Variants in PVT1 observed in about 807,000 individuals in gnomAD.
PVT1 encodes CXCR4/PVT1 fusion.
Position 127,940,902 on chromosome 8 carries a change from C to A in PVT1, n.783-48260C>A, listed in dbSNP as rs552404223. ...CAGGTGTGAGCCACTATGTCCGGCT[C>A]ACGTCCAGTTATCTAGGGCAGAGGT... On this transcript the variant is annotated intron_variant and non_coding_transcript_variant, in intron 3 of 10. Transcript: ENST00000651587. 6.6e-5 allele frequency among the ~76,000 whole-genome samples: 10 copies of A among 152,328 alleles called. No individual in the cohort carries two copies. In the South Asian group the frequency reaches 1.9e-3, roughly 28 times the overall value.
intron 4 of PVT1, among the ~76,000 whole-genome samples, chr8:128,065,683 C>G (rs1813900194): frequency 6.6e-6 from 1 of 152,136 alleles, no homozygotes; most frequent in Non-Finnish European, 1.5e-5. Flanking sequence ...GCTCTCAAGT[C>G]CCTGTAGGGG....
intron 4 of PVT1, among the ~76,000 whole-genome samples, chr8:127,990,884 G>A (rs1817029279): frequency 1.3e-5 from 2 of 152,262 alleles, no homozygotes; most frequent in South Asian, 2.1e-4. Context: ...TCTCCATGCC[G>A]GGAGGCTTCC....
intron 4 of PVT1, among the ~76,000 whole-genome samples, chr8:127,995,632 A>T (rs1055070833): frequency 6.6e-6 from 1 of 152,212 alleles, no homozygotes; most frequent in Non-Finnish European, 1.5e-5. Flanking sequence ...GTTTGCGGTG[A>T]TGGTCGTGTT....
At chr8:127,908,254 A>G (rs1034959184) in intron 3 of PVT1, among the ~76,000 whole-genome samples, 11 of 151,864 alleles carry the variant, frequency 7.2e-5, no homozygotes, top group Admixed American at 6.6e-4. Context: ...GTCGGCCGTG[A>G]GGAGGGTGGA....
chr8:127,980,784 A>G (rs1354307686), intron 3 of PVT1, among the ~76,000 whole-genome samples: 2 of 142,416 alleles, frequency 1.4e-5, no homozygotes, highest in Non-Finnish European at 3.0e-5. Flanking sequence ...ACCAAAAACT[A>G]CAGCTTCTTT....
chr8:128,006,103 AAATAATAATAAT>A lies in PVT1; in HGVS notation n.912+16848_912+16859del, dbSNP rs201867936. ...CAGTGACAGAGTGAGACCTTGTCTC[AAATAATAATAAT>A]AATAATAATAATAATAATAATAATA... On this transcript the variant is annotated intron_variant and non_coding_transcript_variant, in intron 4 of 10. Coordinates refer to ENST00000651587, the Ensembl canonical transcript of PVT1. Among the ~76,000 whole-genome samples, 426 of 119,344 alleles carry A rather than the reference AAATAATAATAAT, an allele frequency of 3.6e-3. 3 individuals carry two copies. The highest frequency in any genetic ancestry group is 0.011 in the East Asian group (43 of 3,840). 78.3% of individuals were successfully genotyped at this position (119,344 alleles called of 152,430 possible). A position where few individuals can be genotyped will look rare whatever the true frequency, so the allele number is the denominator to read the frequency against.
chr8:128,009,189 T>C (rs1036012506), intron 4 of PVT1, among the ~76,000 whole-genome samples: 2 of 152,258 alleles, frequency 1.3e-5, no homozygotes, highest in Non-Finnish European at 2.9e-5. Context: ...GAGGGGAAAA[T>C]ATTGTCCTTC....
chr8:127,971,694 C>T (rs748427216), intron 3 of PVT1, among the ~76,000 whole-genome samples: 6 of 152,202 alleles, frequency 3.9e-5, no homozygotes, highest in Non-Finnish European at 8.8e-5. Flanking sequence ...CTGGGCCTCG[C>T]TTTTCTCATC....
chr8:128,003,369 T>G (rs938581694), intron 4 of PVT1, among the ~76,000 whole-genome samples: 1 of 150,942 alleles, frequency 6.6e-6, no homozygotes. Context: ...TTCTCCTTTT[T>G]CTTCTTCTCT....
intron 4 of PVT1, among the ~76,000 whole-genome samples, chr8:128,027,356 C>G (rs776160758): frequency 3.9e-5 from 6 of 152,226 alleles, no homozygotes; most frequent in Admixed American, 1.3e-4. Context: ...CTCTCACCCA[C>G]AAGGTGGTGA....
intron 4 of PVT1, chr8:128,049,336 G>A (rs1586497735): frequency 2.7e-6 from 1 of 371,990 alleles, no homozygotes; most frequent in South Asian, 2.0e-5. Flanking sequence ...AAGGAAGGCG[G>A]GAGTGTGATG....
intron 4 of PVT1, among the ~76,000 whole-genome samples, chr8:128,051,445 T>G (rs1304115240): frequency 6.6e-6 from 1 of 152,210 alleles, no homozygotes. Context: ...AAATTACAAA[T>G]TATTTGGACT....
intron 3 of PVT1, among the ~76,000 whole-genome samples, chr8:127,919,146 G>A (rs557537880): frequency 1.3e-5 from 2 of 152,338 alleles, no homozygotes; most frequent in South Asian, 2.1e-4. Flanking sequence ...TAACCAGGGA[G>A]CAGTGAAGCC....
chr8:127,892,718 G>A (rs572079384), intron 3 of PVT1, among the ~76,000 whole-genome samples: 286 of 152,206 alleles, frequency 1.9e-3, no homozygotes, highest in Non-Finnish European at 3.1e-3. Context: ...TGCAGCAGGT[G>A]CTGGGCTGTG....
chr8:128,061,438 G>A (rs150835076), intron 4 of PVT1, among the ~76,000 whole-genome samples: 3 of 152,262 alleles, frequency 2.0e-5, no homozygotes, highest in Non-Finnish European at 4.4e-5. Context: ...GGGTGGGGCT[G>A]TTATGATTAA....
chr8:127,872,136 C>T (rs984013876), intron 2 of PVT1, among the ~76,000 whole-genome samples: 2 of 149,198 alleles, frequency 1.3e-5, no homozygotes, highest in Admixed American at 6.7e-5. Context: ...TAAAAGAGGC[C>T]GGGTGTGGTG....
At chr8:127,815,138 G>A (rs1285427844) in intron 2 of PVT1, among the ~76,000 whole-genome samples, 1 of 151,982 alleles carries the variant, frequency 6.6e-6, no homozygotes, top group African/African-American at 2.4e-5. Flanking sequence ...GCTAATTTTT[G>A]TATTTTTTAG....
At chr8:127,851,606 G>A (rs1278219091) in intron 2 of PVT1, among the ~76,000 whole-genome samples, 4 of 152,150 alleles carry the variant, frequency 2.6e-5, no homozygotes, top group Non-Finnish European at 4.4e-5. Flanking sequence ...CCACTGTGAG[G>A]TCAGAGACTG....
At chr8:128,095,827 C>A (rs777398347) in intron 5 of PVT1, among the ~76,000 whole-genome samples, 2 of 152,242 alleles carry the variant, frequency 1.3e-5, no homozygotes, top group African/African-American at 2.4e-5. Flanking sequence ...GGTACGCATT[C>A]TCGATGCCCT....
Sources: gnomAD v4.1 joint callset for allele counts (sites outside exome capture counted in the v4.1 genomes callset) on GRCh38, gnomAD v4.1.1 for gene constraint, MANE v1.5 for transcripts, NCBI Gene and HGNC (gene_info 2026-07-23, HGNC 2026-07-21) for gene names.